COL23A1: variants seen among roughly 807,000 people sequenced by gnomAD.
COL23A1 encodes the protein collagen alpha-1(XXIII) chain.
COL23A1 carries 97 observed loss-of-function variants against 99.3 expected under a neutral mutation model. The ratio of observed to expected loss-of-function variants is 0.98; its 90% confidence interval spans 0.83 to 1.16. The LOEUF is 1.16. Ranked by LOEUF, COL23A1 falls within the 50% of genes most tolerant of loss-of-function variation. The probability of loss-of-function intolerance (pLI) is 0.00; values close to 1 mark genes in which losing one functional copy is unlikely to be tolerated. For missense variants in COL23A1, 762 were observed against 757.4 expected (o/e 1.01, Z -0.07); for synonymous variants, 320 against 308.2 (o/e 1.04, Z -0.40).
chr5:178,432,106 C>T lies in COL23A1; in HGVS notation c.362-125187G>A, dbSNP rs926405776. On this transcript the variant is annotated intron_variant, in intron 2 of 28. Transcript: ENST00000390654. ...TAAGGTCTTGGAATAAAATCTGGTA[C>T]GTCCCCTGAGTGTTTTAGGACTCTG... 4.6e-5 allele frequency among the ~76,000 whole-genome samples: 7 copies of T among 152,208 alleles called. 1 individual carries two copies. The highest frequency in any genetic ancestry group is 4.1e-4 in the South Asian group (2 of 4,832).
intron 8 of COL23A1, 87 bp from the exon 9 acceptor site, chr5:178,263,411 C>T: frequency 1.2e-6 from 1 of 803,668 alleles, no homozygotes; most frequent in South Asian, 1.8e-5. Flanking sequence ...AGCCCCACGC[C>T]ATCCCCTTCC....
chr5:178,578,984 C>G (rs1024962237), intron 1 of COL23A1, among the ~76,000 whole-genome samples: 1 of 152,114 alleles, frequency 6.6e-6, no homozygotes, highest in Non-Finnish European at 1.5e-5. Context: ...TCAGTCTGCT[C>G]AAATGATAAA....
chr5:178,318,348 C>T (rs1759088432), intron 2 of COL23A1, among the ~76,000 whole-genome samples: 1 of 152,200 alleles, frequency 6.6e-6, no homozygotes, highest in Non-Finnish European at 1.5e-5. Context: ...ATGTAAGGCA[C>T]GTGGGTGCCA....
chr5:178,311,258 T>G (rs936567481), intron 2 of COL23A1, among the ~76,000 whole-genome samples: 1 of 144,508 alleles, frequency 6.9e-6, no homozygotes, highest in Non-Finnish European at 1.5e-5. Flanking sequence ...TCTGAGCAAC[T>G]TACTCAACCT....
In COL23A1 at chr5:178,246,419, G is replaced by T; in HGVS notation, c.1331C>A (p.Ser444Ter). Residue 444 changes from serine to a stop codon, truncating the protein, a stop_gained, in exon 23 of 29, where the codon TCG (serine) becomes TAG (stop). Coordinates refer to ENST00000390654, the MANE Select transcript of COL23A1 (RefSeq NM_173465.4). LOFTEE classifies it high-confidence loss of function. ...LDGAKGEKGA[S>*]GERGPSGLPG... ...CAGGCCGCTGGGGCCTCTCTCACCC[G>T]ACGCACCCTTCTCTCCCTTTGCTCC... The T allele has an allele frequency of 1.9e-6, 3 of 1,579,608 alleles. No individual in the cohort carries two copies. The highest frequency in any genetic ancestry group is 1.2e-5 in the South Asian group (1 of 86,176).
At chr5:178,344,027 G>A (rs1760823141) in intron 2 of COL23A1, among the ~76,000 whole-genome samples, 1 of 152,102 alleles carries the variant, frequency 6.6e-6, no homozygotes, top group Admixed American at 6.6e-5. Flanking sequence ...CAAGACAGCT[G>A]TCTATCCCTA....
chr5:178,379,343 A>G (rs1211701039), intron 2 of COL23A1, among the ~76,000 whole-genome samples: 1 of 152,172 alleles, frequency 6.6e-6, no homozygotes, highest in Non-Finnish European at 1.5e-5. Flanking sequence ...GCAGAAAAAT[A>G]CTAAACAAAA....
In COL23A1 at chr5:178,434,420, C is replaced by G. The variant is rs970808230; in HGVS notation, c.361+126262G>C. On this transcript the variant is annotated intron_variant, in intron 2 of 28. Coordinates refer to ENST00000390654, the MANE Select transcript of COL23A1 (RefSeq NM_173465.4). The surrounding 1 kb of genome is among the most constrained non-coding windows in gnomAD (Gnocchi z 4.3). ...GTGGCCTCGGGCAAAATGCCTGGACCAGGACTTGGACATTGGGCGGCTGTG... is the reference window on the plus strand; with the variant it reads ...GTGGCCTCGGGCAAAATGCCTGGACGAGGACTTGGACATTGGGCGGCTGTG... 5.9e-5 allele frequency among the ~76,000 whole-genome samples: 9 copies of G among 152,240 alleles called. No homozygotes were observed. The highest frequency in any genetic ancestry group is 1.9e-4 in the African/African-American group (8 of 41,472).
chr5:178,253,406 C>T (rs976448237), intron 16 of COL23A1, among the ~76,000 whole-genome samples: 25 of 152,276 alleles, frequency 1.6e-4, no homozygotes, highest in Admixed American at 1.0e-3. Context: ...TCCCCCTGCT[C>T]CCTGCTCCAA....
chr5:178,490,448 C>T (rs138496674), intron 2 of COL23A1, among the ~76,000 whole-genome samples: 33 of 151,848 alleles, frequency 2.2e-4, no homozygotes, highest in Non-Finnish European at 3.2e-4. Flanking sequence ...GAAGGGAGGA[C>T]GCGTGGGAAG....
chr5:178,488,197 G>A (rs1757737042), intron 2 of COL23A1, among the ~76,000 whole-genome samples: 1 of 152,170 alleles, frequency 6.6e-6, no homozygotes, highest in Admixed American at 6.5e-5. Context: ...GTGATCTGGT[G>A]CACTCAGGCC....
At chr5:178,283,049 T>G (rs1454663217) in intron 5 of COL23A1, among the ~76,000 whole-genome samples, 4 of 152,086 alleles carry the variant, frequency 2.6e-5, no homozygotes, top group East Asian at 1.9e-4. Flanking sequence ...TTTTGTATTT[T>G]TATTTTTATT....
chr5:178,491,414 G>A (rs919807093), intron 2 of COL23A1, among the ~76,000 whole-genome samples: 1 of 152,272 alleles, frequency 6.6e-6, no homozygotes, highest in Admixed American at 6.5e-5. Flanking sequence ...TGACTTGGTG[G>A]CAGTCAGCAG....
intron 2 of COL23A1, among the ~76,000 whole-genome samples, chr5:178,490,386 C>G (rs1450775354): frequency 1.3e-5 from 2 of 151,954 alleles, no homozygotes; most frequent in African/African-American, 4.8e-5. Flanking sequence ...GAAGAGGTAT[C>G]TAGAATGGAC....
intron 27 of COL23A1, 109 bp from the exon 28 acceptor site, chr5:178,239,288 G>A: frequency 8.0e-7 from 1 of 1,252,500 alleles, no homozygotes; most frequent in Non-Finnish European, 1.2e-6. Context: ...GAGCGGCCAT[G>A]TGAGACTGCT....
chr5:178,379,527 T>A (rs1236285348), intron 2 of COL23A1, among the ~76,000 whole-genome samples: 1 of 152,176 alleles, frequency 6.6e-6, no homozygotes, highest in East Asian at 1.9e-4. Flanking sequence ...TACTTTTGTT[T>A]ACAGTAAGCA....
chr5:178,447,089 TTTA>T (rs1262171989), intron 2 of COL23A1, among the ~76,000 whole-genome samples: 5 of 145,438 alleles, frequency 3.4e-5, no homozygotes, highest in Admixed American at 3.3e-4. Context: ...TTATTCTTTT[TTTA>T]TTATTATTTT....
Position 178,576,057 on chromosome 5 carries a change from C to T in COL23A1, c.294+13847G>A, listed in dbSNP as rs535015997. On this transcript the variant is annotated intron_variant, in intron 1 of 28. Transcript: ENST00000390654. ...ACGAAGCCGCAGTGCTTTTGGCAGT[C>T]CCTCAATACCCCTTCAGACTGTGTT... Among the ~76,000 whole-genome samples the T allele has an allele frequency of 3.9e-5, 6 of 152,288 alleles. No homozygotes were observed. The East Asian group carries it at 5.8e-4, about 15-fold the overall frequency.
intron 1 of COL23A1, among the ~76,000 whole-genome samples, chr5:178,562,919 A>G (rs952527272): frequency 5.3e-5 from 8 of 152,110 alleles, no homozygotes; most frequent in African/African-American, 1.7e-4. Context: ...TGCATTTTAC[A>G]AACCTCTAGC....
Sources: allele counts gnomAD v4.1 joint callset (sites outside exome capture counted in the v4.1 genomes callset), GRCh38; gene constraint gnomAD v4.1.1; non-coding constraint Gnocchi (gnomAD v3.1); transcripts MANE v1.5; gene names NCBI Gene and HGNC (gene_info 2026-07-23, HGNC 2026-07-21).